TBC1D1: variants seen among roughly 807,000 people sequenced by gnomAD.
The protein encoded by TBC1D1 is TBC1 domain family member 1, also known as TBC1 (tre-2/USP6, BUB2, cdc16) domain family, member 1.
In TBC1D1, 89 loss-of-function variants were observed where a neutral mutation model predicts 125.6. That is an observed-to-expected ratio of 0.71 (90% CI 0.60 to 0.85). The LOEUF (loss-of-function observed/expected upper bound fraction) is 0.85. Ranked by LOEUF, TBC1D1 falls within the 40% of genes least tolerant of loss-of-function variation. The probability of loss-of-function intolerance (pLI) is 0.00; values close to 1 mark genes in which losing one functional copy is unlikely to be tolerated. For missense variants in TBC1D1, 1,377 were observed against 1,469.2 expected, an observed-to-expected ratio of 0.94 and a Z score of 1.03; for synonymous variants, 565 against 564.1, an observed-to-expected ratio of 1.00 and a Z score of -0.02.
At chr4:37,958,644 C>A (rs1729362791) in intron 2 of TBC1D1, among the ~76,000 whole-genome samples, 1 of 152,144 alleles carries the variant, frequency 6.6e-6, no homozygotes, top group Admixed American at 6.6e-5. Context: ...TTCTTTAGGA[C>A]ACATATATGA....
At chr4:37,939,961 C>G (rs1725202276) in intron 2 of TBC1D1, among the ~76,000 whole-genome samples, 1 of 152,202 alleles carries the variant, frequency 6.6e-6, no homozygotes, top group Admixed American at 6.5e-5. Context: ...TAGCATGATG[C>G]TTCCAGCTTT....
chr4:37,938,655 A>G (rs1194358086), intron 2 of TBC1D1, among the ~76,000 whole-genome samples: 2 of 152,074 alleles, frequency 1.3e-5, no homozygotes, highest in Non-Finnish European at 2.9e-5. Flanking sequence ...TACATTAGGT[A>G]TATCTCCTAA....
chr4:37,899,395 G>C (rs1047616909), intron 1 of TBC1D1, among the ~76,000 whole-genome samples: 7 of 152,156 alleles, frequency 4.6e-5, no homozygotes, highest in African/African-American at 1.7e-4. Context: ...TGGAACTCAG[G>C]AAGGAGGCTT....
At chr4:38,119,533 T>G (rs1763520054) in intron 17 of TBC1D1, among the ~76,000 whole-genome samples, 1 of 151,862 alleles carries the variant, frequency 6.6e-6, no homozygotes, top group South Asian at 2.1e-4. Flanking sequence ...AAAAAAAGAT[T>G]AACTAAAAGC....
chr4:38,133,585 A>G (rs1004678851), intron 19 of TBC1D1, among the ~76,000 whole-genome samples: 2 of 152,194 alleles, frequency 1.3e-5, no homozygotes, highest in Non-Finnish European at 2.9e-5. Flanking sequence ...TCATTACTCA[A>G]AGAGAATCTA....
In TBC1D1 at chr4:38,137,467, T is replaced by G; in HGVS notation, c.*132T>G. 1.6e-6 allele frequency: 2 copies of G among 1,272,680 alleles called. No individual in the cohort carries two copies. Among genetic ancestry groups the G allele is most frequent in the South Asian group, 2.7e-5 (1 of 37,398 alleles). 78.8% of individuals were successfully genotyped at this position (1,272,680 alleles called of 1,614,324 possible). ...GGGAGGAAACCGGCTTGCCAGCAAG[T>G]AGATTCTTACGAACTCCAACTTGCA... On this transcript the variant is annotated 3_prime_UTR_variant, in exon 20 of 20. Coordinates refer to ENST00000261439, the MANE Select transcript of TBC1D1 (RefSeq NM_015173.4).
intron 15 of TBC1D1, chr4:38,111,870 A>C: frequency 5.3e-6 from 5 of 936,378 alleles, no homozygotes; most frequent in Non-Finnish European, 6.4e-6. Flanking sequence ...GTCCTGCTTA[A>C]CCGCTAATCA....
chr4:38,129,789 A>G (rs1021395753), intron 18 of TBC1D1, among the ~76,000 whole-genome samples: 11 of 152,208 alleles, frequency 7.2e-5, no homozygotes, highest in Admixed American at 5.9e-4. Flanking sequence ...CTTCATGTGT[A>G]ATTTAAACTT....
intron 2 of TBC1D1, among the ~76,000 whole-genome samples, chr4:37,948,078 G>A (rs1160866117): frequency 1.3e-5 from 2 of 152,180 alleles, no homozygotes; most frequent in Non-Finnish European, 1.5e-5. Flanking sequence ...TCAGCTGGTG[G>A]TGTGTCCAGG....
At chr4:38,065,120 TAG>T (rs1236587063) in intron 12 of TBC1D1, among the ~76,000 whole-genome samples, 1 of 152,128 alleles carries the variant, frequency 6.6e-6, no homozygotes, top group Non-Finnish European at 1.5e-5. Flanking sequence ...TATTTTTTAA[TAG>T]AGACGGAGTT....
intron 2 of TBC1D1, among the ~76,000 whole-genome samples, chr4:37,951,641 T>A (rs77678484): frequency 0.011 from 1,655 of 152,296 alleles, 18 homozygotes; most frequent in Non-Finnish European, 0.016. Context: ...GACACTCTGC[T>A]AGGGAAGAGG....
intron 17 of TBC1D1, among the ~76,000 whole-genome samples, chr4:38,119,226 T>C (rs1170517473): frequency 3.9e-5 from 6 of 152,228 alleles, no homozygotes; most frequent in Non-Finnish European, 7.3e-5. Flanking sequence ...ATGCTTTGGG[T>C]AAACATCTTA....
intron 12 of TBC1D1, among the ~76,000 whole-genome samples, chr4:38,072,107 G>A (rs1238422359): frequency 1.3e-5 from 2 of 152,166 alleles, no homozygotes; most frequent in Non-Finnish European, 2.9e-5. Flanking sequence ...TAACTGTCTT[G>A]TTTCATCAGA....
At chr4:38,031,822 C>T (rs1451320147) in intron 7 of TBC1D1, among the ~76,000 whole-genome samples, 1 of 152,148 alleles carries the variant, frequency 6.6e-6, no homozygotes, top group East Asian at 1.9e-4. Context: ...GCGTTTATGA[C>T]AATTTATAAG....
chr4:38,020,520 C>A, intron 4 of TBC1D1, 71 bp from the exon 5 acceptor site: 1 of 1,219,436 alleles, frequency 8.2e-7, no homozygotes, highest in Non-Finnish European at 1.2e-6. Flanking sequence ...CTGTATAAAT[C>A]TTGAGGTGCA....
Position 37,938,378 on chromosome 4 carries a change from G to A in TBC1D1, c.417+35866G>A, listed in dbSNP as rs185408511. On this transcript the variant is annotated intron_variant, in intron 2 of 19. Coordinates refer to ENST00000261439, the MANE Select transcript of TBC1D1 (RefSeq NM_015173.4). Reference sequence around the variant, plus strand: ...AATATTCTTCATTGTGTTGGTAAATGTGTGACTTTTAGTGCCCAGGAAGCA... The same window carrying A: ...AATATTCTTCATTGTGTTGGTAAATATGTGACTTTTAGTGCCCAGGAAGCA... 3.3e-5 allele frequency among the ~76,000 whole-genome samples: 5 copies of A among 152,334 alleles called. No individual in the cohort carries two copies. In the East Asian group the frequency reaches 9.6e-4, roughly 29 times the overall value.
intron 2 of TBC1D1, among the ~76,000 whole-genome samples, chr4:37,923,548 T>A (rs1199936849): frequency 6.6e-6 from 1 of 152,194 alleles, no homozygotes; most frequent in East Asian, 1.9e-4. Flanking sequence ...GCTGGAAGTC[T>A]CCCTGCACTT....
intron 9 of TBC1D1, 138 bp downstream of exon 9, chr4:38,044,628 A>G (rs754499772): frequency 4.2e-5 from 37 of 888,602 alleles, no homozygotes; most frequent in Non-Finnish European, 5.7e-5. Flanking sequence ...TCTCAGGCTT[A>G]TAACAGTATT....
intron 1 of TBC1D1, among the ~76,000 whole-genome samples, chr4:37,899,253 T>C (rs1254208899): frequency 1.3e-5 from 2 of 151,886 alleles, no homozygotes; most frequent in Non-Finnish European, 2.9e-5. Flanking sequence ...TTCACCTAGA[T>C]ACAGCACATA....
Sources: allele counts gnomAD v4.1 joint callset (sites outside exome capture counted in the v4.1 genomes callset), GRCh38; gene constraint gnomAD v4.1.1; transcripts MANE v1.5; gene names NCBI Gene and HGNC (gene_info 2026-07-23, HGNC 2026-07-21).